The following KIAA1217 variants were observed in gnomAD, a reference collection of about 807,000 sequenced individuals.
The protein encoded by KIAA1217 is sickle tail protein homolog.
KIAA1217 carries 88 observed loss-of-function variants against 163.9 expected under a neutral mutation model. The observed-to-expected ratio is 0.54, with a 90% CI of 0.45 to 0.64. The LOEUF is 0.64. Among genes scored for constraint, KIAA1217 ranks in the 30% least tolerant of loss-of-function variants. The pLI is 0.00. For synonymous variants in KIAA1217, 903 were observed against 923.1 expected (o/e 0.98, Z 0.39); for missense variants, 2,372 against 2,475.0 (o/e 0.96, Z 0.88).
chr10:24,045,417 C>A (rs893872419), intron 2 of KIAA1217, among the ~76,000 whole-genome samples: 2 of 152,018 alleles, frequency 1.3e-5, no homozygotes, highest in African/African-American at 4.8e-5. Context: ...CCTATCAATT[C>A]TTTGATAATT....
chr10:23,782,023 T>C (rs1013998664), intron 1 of KIAA1217, among the ~76,000 whole-genome samples: 1 of 152,118 alleles, frequency 6.6e-6, no homozygotes, highest in African/African-American at 2.4e-5. Flanking sequence ...TTTGTTTTCG[T>C]TTTTCAAGAT....
intron 2 of KIAA1217, among the ~76,000 whole-genome samples, chr10:24,266,609 G>A (rs908914327): frequency 1.3e-5 from 2 of 152,024 alleles, no homozygotes; most frequent in Admixed American, 1.3e-4. Context: ...GCAAGAGGAT[G>A]GTAAAATGCA....
At chr10:23,926,013 C>T (rs554482009) in intron 1 of KIAA1217, among the ~76,000 whole-genome samples, 2 of 152,276 alleles carry the variant, frequency 1.3e-5, no homozygotes, top group Non-Finnish European at 1.5e-5. Context: ...CTTACCCACA[C>T]CCCATCACTG....
chr10:23,823,249 G>A (rs1837712684), intron 1 of KIAA1217, among the ~76,000 whole-genome samples: 1 of 152,160 alleles, frequency 6.6e-6, no homozygotes, highest in Non-Finnish European at 1.5e-5. Flanking sequence ...GTTCGTTACG[G>A]TTGTAGGACT....
At chr10:24,340,648 G>C (rs901611459) in intron 2 of KIAA1217, among the ~76,000 whole-genome samples, 1 of 152,024 alleles carries the variant, frequency 6.6e-6, no homozygotes, top group Non-Finnish European at 1.5e-5. Flanking sequence ...TCCATCACAG[G>C]ACTAAAGCCA....
At chr10:24,146,118 A>G (rs971410983) in intron 2 of KIAA1217, among the ~76,000 whole-genome samples, 4 of 152,200 alleles carry the variant, frequency 2.6e-5, no homozygotes, top group Non-Finnish European at 5.9e-5. Context: ...TACCTGATAA[A>G]AGGGAAAAAA....
chr10:24,361,781 C>T (rs375794859), intron 2 of KIAA1217, among the ~76,000 whole-genome samples: 3 of 152,004 alleles, frequency 2.0e-5, no homozygotes, highest in South Asian at 2.1e-4. Flanking sequence ...CGAGACCATC[C>T]GGGCTAACAT....
At chr10:24,514,844 T>C (rs1367450056) in intron 10 of KIAA1217, among the ~76,000 whole-genome samples, 3 of 151,024 alleles carry the variant, frequency 2.0e-5, no homozygotes, top group African/African-American at 7.3e-5. Flanking sequence ...ACAAAAAAAA[T>C]AGCTGGCCAT....
intron 1 of KIAA1217, among the ~76,000 whole-genome samples, chr10:23,996,527 C>G (rs1846492716): frequency 6.6e-6 from 1 of 152,000 alleles, no homozygotes; most frequent in African/African-American, 2.4e-5. Flanking sequence ...ACACCGTAGC[C>G]CTACAGTAAA....
intron 3 of KIAA1217, among the ~76,000 whole-genome samples, chr10:24,388,747 A>G (rs1046991043): frequency 6.6e-6 from 1 of 152,152 alleles, no homozygotes; most frequent in African/African-American, 2.4e-5. Flanking sequence ...CGGGCGAAGG[A>G]TATGAACAGA....
intron 1 of KIAA1217, among the ~76,000 whole-genome samples, chr10:23,961,456 G>A (rs1844816943): frequency 1.3e-5 from 2 of 152,202 alleles, no homozygotes; most frequent in Non-Finnish European, 1.5e-5. Context: ...TTTAATGGCA[G>A]CCTCTATAAC....
intron 2 of KIAA1217, among the ~76,000 whole-genome samples, chr10:24,355,467 G>C (rs140368862): frequency 1.3e-5 from 2 of 152,108 alleles, no homozygotes; most frequent in African/African-American, 4.8e-5. Context: ...TCCTCATATG[G>C]CAGAAAGAAA....
intron 2 of KIAA1217, among the ~76,000 whole-genome samples, chr10:24,276,948 G>A (rs150047090): frequency 3.9e-5 from 6 of 152,074 alleles, no homozygotes; most frequent in African/African-American, 1.4e-4. Flanking sequence ...TCGTAGAGAT[G>A]GGGTCTCCCC....
intron 1 of KIAA1217, among the ~76,000 whole-genome samples, chr10:23,905,209 A>T (rs1234547819): frequency 1.3e-5 from 2 of 148,764 alleles, no homozygotes; most frequent in Non-Finnish European, 3.0e-5. Context: ...TTCTGCAGAG[A>T]GAGTTCTTGG....
chr10:24,520,825 G>A (rs1279918019), intron 11 of KIAA1217, among the ~76,000 whole-genome samples: 4 of 148,010 alleles, frequency 2.7e-5, no homozygotes, highest in African/African-American at 9.9e-5. Context: ...CAGCCTGGCA[G>A]CCTGGGTGGC....
chr10:24,235,791 C>T (rs891352493), intron 2 of KIAA1217, among the ~76,000 whole-genome samples: 2 of 152,182 alleles, frequency 1.3e-5, no homozygotes, highest in Non-Finnish European at 2.9e-5. Context: ...AACTCCGTAT[C>T]TCGGAGGATC....
intron 2 of KIAA1217, among the ~76,000 whole-genome samples, chr10:24,200,646 C>T (rs761716604): frequency 6.6e-6 from 1 of 152,170 alleles, no homozygotes; most frequent in African/African-American, 2.4e-5. Context: ...CCACCTGTAT[C>T]CCTTCGCTAT....
intron 2 of KIAA1217, among the ~76,000 whole-genome samples, chr10:24,096,525 T>C (rs1331764422): frequency 2.6e-5 from 4 of 152,202 alleles, no homozygotes; most frequent in Admixed American, 6.5e-5. Context: ...CCATTGCTTT[T>C]ATAATAAAGT....
At chr10:24,057,640 A>T (rs924811561) in intron 2 of KIAA1217, among the ~76,000 whole-genome samples, 11 of 152,212 alleles carry the variant, frequency 7.2e-5, no homozygotes, top group Admixed American at 2.6e-4. Context: ...GTCCCTGATG[A>T]TTAGTGATGC....
Sources: gnomAD v4.1 joint callset for allele counts (sites outside exome capture counted in the v4.1 genomes callset) on GRCh38, gnomAD v4.1.1 for gene constraint, MANE v1.5 for transcripts, NCBI Gene and HGNC (gene_info 2026-07-23, HGNC 2026-07-21) for gene names.